RBM39: variants seen among roughly 807,000 people sequenced by gnomAD.
RBM39 encodes the protein RNA binding motif protein 39.
In RBM39, 12 loss-of-function variants were observed where a neutral mutation model predicts 79.6. That is an observed-to-expected ratio of 0.15 (90% CI 0.10 to 0.24). RBM39 has a LOEUF of 0.24. Among genes scored for constraint, RBM39 ranks in the 10% least tolerant of loss-of-function variants. RBM39 has a pLI of 1.00. For missense variants in RBM39, 243 were observed against 653.4 expected (o/e 0.37, Z 6.85); for synonymous variants, 185 against 208.4 (o/e 0.89, Z 0.97).
At chr20:35,726,830 CT>C (rs900315397) in intron 6 of RBM39, among the ~76,000 whole-genome samples, 12 of 151,606 alleles carry the variant, frequency 7.9e-5, no homozygotes, top group Admixed American at 4.6e-4. Context: ...GTCACAAAAG[CT>C]TTTTTTTCTT....
chr20:35,705,462 G>A (rs1390967123), intron 14 of RBM39, 132 bp from the exon 15 acceptor site: 2 of 587,440 alleles, frequency 3.4e-6, no homozygotes, highest in African/African-American at 2.0e-5. Context: ...TTGACAGAAC[G>A]TCTCTGCCCC....
Position 35,703,626 on chromosome 20 carries a change from T to C in RBM39, c.*855A>G, listed in dbSNP as rs1463871615. On this transcript the variant is annotated 3_prime_UTR_variant, in exon 17 of 17. Transcript: ENST00000253363. The stretch of plus-strand genomic sequence containing the variant: ...ATCTCCTGTGGCCTTTTTAAGAGAC[T>C]TTTATTTGAGTGGTTCTTACAAAGA... 1 of 152,648 alleles carries C rather than the reference T, an allele frequency of 6.6e-6. No individual in the cohort carries two copies. The highest frequency in any genetic ancestry group is 1.5e-5 in the Non-Finnish European group (1 of 68,036). 9.5% of individuals were successfully genotyped at this position (152,648 alleles called of 1,614,324 possible). A position where few individuals can be genotyped will look rare whatever the true frequency, so the allele number is the denominator to read the frequency against.
intron 12 of RBM39, among the ~76,000 whole-genome samples, chr20:35,709,523 C>T (rs1298839531): frequency 6.6e-6 from 1 of 152,034 alleles, no homozygotes; most frequent in Non-Finnish European, 1.5e-5. Context: ...AAGTGATTTT[C>T]ACTACACTAC....
In RBM39 at chr20:35,705,243, A is replaced by C; in HGVS notation, c.1395T>G (p.Val465=). 6.4e-7 allele frequency: 1 copy of C among 1,568,192 alleles called. No individual in the cohort carries two copies. Among genetic ancestry groups the C allele is most frequent in the Non-Finnish European group, 8.6e-7 (1 of 1,162,006 alleles). Residue 465 remains valine (V), a synonymous_variant, in exon 15 of 17, where the codon GTT becomes GTG. Coordinates refer to ENST00000253363, the MANE Select transcript of RBM39 (RefSeq NM_184234.3). ...AAAATACCTGAGCTGAATTTTTGTC[A>C]ACATAAATATGAATAACTCCTCCAT... ...NKHGGVIHIY[V]DKNSAQGNVY... is the part of the protein sequence containing the mutation.
chr20:35,726,073 T>C (rs2038650173), intron 6 of RBM39, among the ~76,000 whole-genome samples: 1 of 152,216 alleles, frequency 6.6e-6, no homozygotes, highest in African/African-American at 2.4e-5. Context: ...TGTAATCACA[T>C]CTTACATGGC....
intron 9 of RBM39, among the ~76,000 whole-genome samples, chr20:35,718,352 A>G (rs1366651115): frequency 2.6e-5 from 4 of 151,760 alleles, no homozygotes; most frequent in Non-Finnish European, 4.4e-5. Flanking sequence ...TATGATAGGG[A>G]TAAGATATTC....
intron 13 of RBM39, 65 bp downstream of exon 13, chr20:35,709,159 A>G: frequency 7.2e-7 from 1 of 1,397,672 alleles, no homozygotes; most frequent in Non-Finnish European, 9.8e-7. Flanking sequence ...AATATAGAAA[A>G]CTGTCTTACT....
At chr20:35,722,733 A>G (rs1477335785) in intron 8 of RBM39, among the ~76,000 whole-genome samples, 1 of 148,872 alleles carries the variant, frequency 6.7e-6, no homozygotes, top group African/African-American at 2.6e-5. Flanking sequence ...GGAGATCAAG[A>G]CCATCCTGGT....
intron 8 of RBM39, among the ~76,000 whole-genome samples, chr20:35,722,968 A>G (rs1050672316): frequency 5.3e-5 from 8 of 151,782 alleles, no homozygotes; most frequent in African/African-American, 1.7e-4. Flanking sequence ...AGCAGGCTAC[A>G]TTTCACACCT....
intron 3 of RBM39, 104 bp downstream of exon 3, chr20:35,738,864 C>A: frequency 1.0e-6 from 1 of 1,004,944 alleles, no homozygotes; most frequent in Non-Finnish European, 1.5e-6. Context: ...CAAAGAAAAG[C>A]TTCAGAAGAG....
intron 9 of RBM39, among the ~76,000 whole-genome samples, chr20:35,720,362 T>C (rs1016279630): frequency 6.6e-6 from 1 of 152,092 alleles, no homozygotes; most frequent in Non-Finnish European, 1.5e-5. Context: ...GCAGATCAAG[T>C]TGGTTCCTCA....
intron 9 of RBM39, chr20:35,720,027 C>A: frequency 4.0e-6 from 1 of 252,050 alleles, no homozygotes; most frequent in Non-Finnish European, 8.6e-6. Context: ...AAGCGATCCA[C>A]TTGCCTCGGC....
chr20:35,727,411 A>G (rs2038852153), intron 6 of RBM39, among the ~76,000 whole-genome samples: 1 of 151,758 alleles, frequency 6.6e-6, no homozygotes. Flanking sequence ...CAAAAAAAAA[A>G]AAAAACACCC....
At chr20:35,731,907 C>A (rs749597131) in intron 4 of RBM39, 34 bp downstream of exon 4, 2 of 1,595,158 alleles carry the variant, frequency 1.3e-6, no homozygotes, top group Non-Finnish European at 1.7e-6. Context: ...CAGAGAATAA[C>A]CCTCAAACCA....
chr20:35,727,853 T>C (rs1320512621), intron 6 of RBM39, among the ~76,000 whole-genome samples: 6 of 152,134 alleles, frequency 3.9e-5, no homozygotes, highest in Non-Finnish European at 7.4e-5. Context: ...GGTTTCACCA[T>C]GGCCAGGCTG....
Position 35,741,953 on chromosome 20 carries a change from T to C in RBM39, c.-26A>G. On this transcript the variant is annotated 5_prime_UTR_variant, in exon 1 of 17. Transcript: ENST00000253363. ...CAACGCCCCGTACCTGTTCCGGCCT[T>C]CGGGCGCCTGTGGTGCTCGTGTTCG... is the stretch of plus-strand genomic sequence containing the variant. The C allele has an allele frequency of 4.7e-6, 1 of 214,960 alleles. No homozygotes were observed. Among genetic ancestry groups the C allele is most frequent in the Admixed American group, 5.7e-5 (1 of 17,498 alleles). The allele number at this position is 214,960 out of a possible 1,614,324, so 13.3% of individuals were successfully genotyped here.
intron 12 of RBM39, among the ~76,000 whole-genome samples, chr20:35,711,302 TA>T (rs376964925): frequency 1.3e-4 from 20 of 151,222 alleles, no homozygotes; most frequent in South Asian, 2.1e-4. Flanking sequence ...GTTTTCTGGT[TA>T]AAAAAAAACC....
intron 12 of RBM39, among the ~76,000 whole-genome samples, chr20:35,712,297 C>A (rs2036513913): frequency 6.6e-6 from 1 of 150,930 alleles, no homozygotes; most frequent in African/African-American, 2.4e-5. Context: ...GGTGAAACCC[C>A]ATCTCTACTA....
At chr20:35,732,271 A>C in intron 3 of RBM39, 136 bp from the exon 4 acceptor site, 1 of 690,222 alleles carries the variant, frequency 1.4e-6, no homozygotes, top group Non-Finnish European at 2.2e-6. Flanking sequence ...AATGGTACAT[A>C]ATCATACTTA....
Sources: gnomAD v4.1 joint callset for allele counts (sites outside exome capture counted in the v4.1 genomes callset) on GRCh38, gnomAD v4.1.1 for gene constraint, MANE v1.5 for transcripts, NCBI Gene and HGNC (gene_info 2026-07-23, HGNC 2026-07-21) for gene names.